Variants in SLC30A7 observed in about 807,000 individuals in gnomAD.
The protein encoded by SLC30A7 is zinc transporter 7.
In SLC30A7, 35 loss-of-function variants were observed where a neutral mutation model predicts 46.0. The observed-to-expected ratio is 0.76, with a 90% CI of 0.58 to 1.01. SLC30A7 has a LOEUF of 1.01. Ranked by LOEUF, SLC30A7 falls within the 50% of genes least tolerant of loss-of-function variation. SLC30A7 has a pLI of 0.00. For missense variants in SLC30A7, 464 were observed against 451.1 expected, an observed-to-expected ratio of 1.03 and a Z score of -0.26; for synonymous variants, 147 against 157.8, an observed-to-expected ratio of 0.93 and a Z score of 0.51.
chr1:100,993,425 G>A, the SLC30A7 span, among the ~76,000 whole-genome samples: 2 of 151,060 alleles, frequency 1.3e-5, no homozygotes, highest in South Asian at 2.1e-4. Flanking sequence ...GGTGGCGCAC[G>A]CCTGTAATCC....
At chr1:100,990,816 A>G in the SLC30A7 span, among the ~76,000 whole-genome samples, 1 of 152,212 alleles carries the variant, frequency 6.6e-6, no homozygotes, top group Non-Finnish European at 1.5e-5. Flanking sequence ...TGTATTACCT[A>G]ATATAAAAGA....
At position 100,912,231 on chromosome 1, in the gene SLC30A7, T is replaced by C. The variant is rs771090040; in HGVS notation, c.504T>C (p.His168=). 5 of 1,613,896 alleles carry C rather than the reference T, an allele frequency of 3.1e-6. No homozygotes were observed. The African/African-American group carries it at 6.7e-5, about 22-fold the overall frequency. ...AACATGGAGGTCATGGACATTCTCA[T>C]GGCTCTGGTATGATGGTTAGGACAC... The part of the protein sequence containing the change: ...VFKHGGHGHS[H]GSGHGHSHSL... Residue 168 remains histidine, a synonymous_variant, in exon 5 of 11, where the codon CAT becomes CAC. Coordinates refer to ENST00000357650, the MANE Select transcript of SLC30A7 (RefSeq NM_133496.5).
At chr1:100,932,801 G>A (rs752804502) in intron 8 of SLC30A7, among the ~76,000 whole-genome samples, 8 of 151,950 alleles carry the variant, frequency 5.3e-5, no homozygotes, top group South Asian at 2.1e-4. Flanking sequence ...AATGAACAAG[G>A]TACAGTATAG....
In SLC30A7 at chr1:100,979,177, A is replaced by T. The variant is rs1656749943; in HGVS notation, c.*4320A>T. On this transcript the variant is annotated 3_prime_UTR_variant, in exon 11 of 11. Transcript: ENST00000357650. ...AGAATTCCTACAACTAATTACTAAAACTGCTATTTCTAACTCTTCATGAAA... is the reference window on the plus strand; with the variant it reads ...AGAATTCCTACAACTAATTACTAAATCTGCTATTTCTAACTCTTCATGAAA... The T allele has an allele frequency of 6.6e-6, 1 of 152,062 alleles. No individual in the cohort carries two copies. Among genetic ancestry groups the T allele is most frequent in the South Asian group, 2.1e-4 (1 of 4,830 alleles). 9.4% of individuals were successfully genotyped at this position (152,062 alleles called of 1,614,324 possible).
intron 8 of SLC30A7, among the ~76,000 whole-genome samples, chr1:100,935,548 A>G (rs1002694046): frequency 1.3e-5 from 2 of 152,206 alleles, no homozygotes; most frequent in African/African-American, 2.4e-5. Flanking sequence ...GCACTGGAAT[A>G]ATCACTATCA....
chr1:100,993,881 C>T, the SLC30A7 span, among the ~76,000 whole-genome samples: 9 of 151,580 alleles, frequency 5.9e-5, no homozygotes, highest in African/African-American at 2.2e-4. Context: ...GCTGGGATTA[C>T]AGGTGCCTGC....
intron 6 of SLC30A7, among the ~76,000 whole-genome samples, chr1:100,916,337 C>CAA (rs746898894): frequency 3.9e-5 from 6 of 152,068 alleles, no homozygotes; most frequent in Admixed American, 6.6e-5. Flanking sequence ...AGGCGTGTGC[C>CAA]ACCACACCCA....
downstream of SLC30A7, among the ~76,000 whole-genome samples, chr1:100,985,038 C>T (rs930214394): frequency 1.3e-4 from 20 of 152,104 alleles, no homozygotes; most frequent in African/African-American, 4.8e-4. Flanking sequence ...ATTTTAAAAA[C>T]ATACAGATGG....
At chr1:100,982,074 T>C (rs1656971533), downstream of SLC30A7, among the ~76,000 whole-genome samples, 1 of 152,262 alleles carries the variant, frequency 6.6e-6, no homozygotes, top group Non-Finnish European at 1.5e-5. Context: ...TTATATGACG[T>C]GAAGACCAAA....
intron 8 of SLC30A7, among the ~76,000 whole-genome samples, chr1:100,927,320 C>T (rs758975429): frequency 5.3e-5 from 8 of 152,008 alleles, no homozygotes; most frequent in African/African-American, 9.7e-5. Flanking sequence ...GAATGACCAG[C>T]GAGGTGGGAA....
intron 8 of SLC30A7, among the ~76,000 whole-genome samples, chr1:100,934,009 A>C (rs533715348): frequency 6.6e-6 from 1 of 152,366 alleles, no homozygotes; most frequent in Non-Finnish European, 1.5e-5. Flanking sequence ...ACATACGTGT[A>C]CATACCAGTA....
rs534545574 is a variant in SLC30A7 at position 100,905,700 on chromosome 1, T to C, written c.183-1152T>C. 1.1e-3 allele frequency among the ~76,000 whole-genome samples: 174 copies of C among 152,324 alleles called. 1 individual carries two copies. Among genetic ancestry groups the C allele is most frequent in the African/African-American group, 4.1e-3 (170 of 41,574 alleles). On this transcript the variant is annotated intron_variant, in intron 2 of 10. Coordinates refer to ENST00000357650, the MANE Select transcript of SLC30A7 (RefSeq NM_133496.5). ...CAGTCTGCTCAGAAGCCCATGACTG[T>C]TATTCCTCCATATTGTAATTTTTAA...
the SLC30A7 span, chr1:100,995,930 T>C: frequency 6.6e-6 from 1 of 152,214 alleles, no homozygotes; most frequent in African/African-American, 2.4e-5. Context: ...TTTGCAAAAA[T>C]AAACATAGTG....
At chr1:100,993,212 G>A in the SLC30A7 span, among the ~76,000 whole-genome samples, 6 of 151,964 alleles carry the variant, frequency 3.9e-5, no homozygotes, top group Admixed American at 6.6e-5. Flanking sequence ...ATTTCTGTAT[G>A]CCTCAAAAGC....
Position 100,902,418 on chromosome 1 carries a change from A to G in SLC30A7, c.183-4434A>G, listed in dbSNP as rs553270600. Reference sequence around the variant, plus strand: ...TTTTATTTTTATTTTTATTTTTTGCATTATGGCAATATTTGGTTTATGTTG... The same window carrying G: ...TTTTATTTTTATTTTTATTTTTTGCGTTATGGCAATATTTGGTTTATGTTG... On this transcript the variant is annotated intron_variant, in intron 2 of 10. Transcript: ENST00000357650. 5.3e-5 allele frequency among the ~76,000 whole-genome samples: 8 copies of G among 152,178 alleles called. No homozygotes were observed. The South Asian group carries it at 1.2e-3, about 24-fold the overall frequency.
chr1:100,936,318 T>C (rs1653964838), intron 8 of SLC30A7, among the ~76,000 whole-genome samples: 1 of 152,192 alleles, frequency 6.6e-6, no homozygotes, highest in Non-Finnish European at 1.5e-5. Flanking sequence ...TTTATTCTCT[T>C]ATAACTATTC....
At chr1:100,949,755 A>G (rs183165672) in intron 8 of SLC30A7, among the ~76,000 whole-genome samples, 2 of 152,312 alleles carry the variant, frequency 1.3e-5, no homozygotes, top group Admixed American at 1.3e-4. Context: ...GCAGCATTGC[A>G]GGTCGATCTC....
intron 8 of SLC30A7, among the ~76,000 whole-genome samples, chr1:100,933,380 T>C (rs1653779762): frequency 6.6e-6 from 1 of 152,146 alleles, no homozygotes; most frequent in Admixed American, 6.5e-5. Context: ...ATGCCTTTCT[T>C]CCTCATGATT....
At chr1:100,945,749 A>G (rs1043852238) in intron 8 of SLC30A7, among the ~76,000 whole-genome samples, 2 of 152,202 alleles carry the variant, frequency 1.3e-5, no homozygotes, top group African/African-American at 4.8e-5. Flanking sequence ...CTTTTTGCTT[A>G]GGATTGTCTT....
Sources: gnomAD v4.1 joint callset for allele counts (sites outside exome capture counted in the v4.1 genomes callset) on GRCh38, gnomAD v4.1.1 for gene constraint, MANE v1.5 for transcripts, NCBI Gene and HGNC (gene_info 2026-07-23, HGNC 2026-07-21) for gene names.